The following LPP variants were observed in gnomAD, a reference collection of about 807,000 sequenced individuals.
LPP encodes the protein lipoma-preferred partner.
LPP carries 38 observed loss-of-function variants against 60.4 expected under a neutral mutation model. The observed-to-expected ratio is 0.63, with a 90% CI of 0.49 to 0.83. The LOEUF is 0.83. Ranked by LOEUF, LPP falls within the 40% of genes least tolerant of loss-of-function variation. The pLI is 0.00. For synonymous variants in LPP, 328 were observed against 290.8 expected, an observed-to-expected ratio of 1.13 and a Z score of -1.30; for missense variants, 902 against 783.6, an observed-to-expected ratio of 1.15 and a Z score of -1.80.
At chr3:188,313,512 C>T (rs1263603630) in intron 2 of LPP, among the ~76,000 whole-genome samples, 1 of 151,988 alleles carries the variant, frequency 6.6e-6, no homozygotes, top group African/African-American at 2.4e-5. Flanking sequence ...GTGGCGGGCA[C>T]CTGTAGTCCC....
intron 3 of LPP, among the ~76,000 whole-genome samples, chr3:188,400,980 G>A (rs1041581513): frequency 6.6e-6 from 1 of 152,176 alleles, no homozygotes; most frequent in Non-Finnish European, 1.5e-5. Context: ...ATGAAGGGCT[G>A]TAATGAAGAT....
intron 6 of LPP, chr3:188,584,439 C>A (rs1836946628): frequency 6.6e-6 from 1 of 151,976 alleles, no homozygotes; most frequent in East Asian, 1.9e-4. Flanking sequence ...AAAGAAGGTT[C>A]TCTGATAAGA....
chr3:188,314,387 T>A (rs1343341817), intron 2 of LPP, among the ~76,000 whole-genome samples: 7 of 152,192 alleles, frequency 4.6e-5, no homozygotes, highest in African/African-American at 1.7e-4. Context: ...TCTAAAAAAA[T>A]TTTATGTTTT....
intron 7 of LPP, among the ~76,000 whole-genome samples, chr3:188,662,446 C>T (rs1364921681): frequency 6.6e-6 from 1 of 152,172 alleles, no homozygotes; most frequent in African/African-American, 2.4e-5. Flanking sequence ...TGGTGAGGTT[C>T]TGTGAGGGAC....
At chr3:188,501,780 G>A (rs1295596986) in intron 5 of LPP, among the ~76,000 whole-genome samples, 1 of 151,766 alleles carries the variant, frequency 6.6e-6, no homozygotes, top group Non-Finnish European at 1.5e-5. Context: ...AGCCGGGCGT[G>A]GTGGTGGGCA....
chr3:188,853,691 A>T (rs1181721112), intron 9 of LPP, among the ~76,000 whole-genome samples: 1 of 152,178 alleles, frequency 6.6e-6, no homozygotes, highest in Non-Finnish European at 1.5e-5. Flanking sequence ...ACAGGCATAT[A>T]AACTGATCGT....
chr3:188,871,882 C>A (rs1484998782), intron 10 of LPP, among the ~76,000 whole-genome samples: 1 of 152,060 alleles, frequency 6.6e-6, no homozygotes, highest in Non-Finnish European at 1.5e-5. Context: ...AAAGTATTTA[C>A]CAGCAGCCTC....
intron 6 of LPP, among the ~76,000 whole-genome samples, chr3:188,541,968 A>T (rs1261798174): frequency 2.0e-5 from 3 of 152,172 alleles, no homozygotes; most frequent in Non-Finnish European, 4.4e-5. Context: ...GATGTTTGAT[A>T]TATGTATACA....
intron 6 of LPP, among the ~76,000 whole-genome samples, chr3:188,582,551 C>G (rs949122576): frequency 6.6e-6 from 1 of 151,934 alleles, no homozygotes; most frequent in African/African-American, 2.4e-5. Flanking sequence ...TGTTTCACTT[C>G]CCACATTTGG....
At chr3:188,450,770 A>G (rs1478765599) in intron 4 of LPP, among the ~76,000 whole-genome samples, 2 of 151,620 alleles carry the variant, frequency 1.3e-5, no homozygotes, top group Non-Finnish European at 2.9e-5. Context: ...ATCTATTTAC[A>G]TTGCAGCTCC....
chr3:188,874,049 T>C (rs1768878990), intron 11 of LPP, among the ~76,000 whole-genome samples: 1 of 151,884 alleles, frequency 6.6e-6, no homozygotes. Flanking sequence ...AACTTCTACA[T>C]GGGAGCCAAG....
chr3:188,822,780 T>G (rs1447820092), intron 9 of LPP, among the ~76,000 whole-genome samples: 1 of 152,180 alleles, frequency 6.6e-6, no homozygotes, highest in Non-Finnish European at 1.5e-5. Flanking sequence ...AGCTTTCCCT[T>G]CTGGTGATCT....
At chr3:188,659,190 A>G (rs1251340912) in intron 7 of LPP, among the ~76,000 whole-genome samples, 1 of 152,214 alleles carries the variant, frequency 6.6e-6, no homozygotes, top group African/African-American at 2.4e-5. Context: ...ATGGCTGTTT[A>G]TGTATGATAT....
At chr3:188,227,596 A>T (rs1458056310) in intron 2 of LPP, among the ~76,000 whole-genome samples, 4 of 152,110 alleles carry the variant, frequency 2.6e-5, no homozygotes, top group Non-Finnish European at 5.9e-5. Flanking sequence ...ACACCTGGAA[A>T]CTGGCAAGTG....
chr3:188,679,903 G>A (rs543547392), intron 7 of LPP, among the ~76,000 whole-genome samples: 5 of 152,018 alleles, frequency 3.3e-5, no homozygotes, highest in South Asian at 2.1e-4. Flanking sequence ...GGCTGTCAGC[G>A]GCCATCTCTG....
chr3:188,658,536 G>A (rs1398317935), intron 7 of LPP, among the ~76,000 whole-genome samples: 2 of 152,022 alleles, frequency 1.3e-5, no homozygotes, highest in East Asian at 1.9e-4. Context: ...CCTACTTCAC[G>A]AAAGACACTC....
chr3:188,675,247 C>G (rs7634330), intron 7 of LPP, among the ~76,000 whole-genome samples: 64,291 of 151,948 alleles, frequency 0.42, 14,030 homozygotes, highest in East Asian at 0.77. Flanking sequence ...CCAGTGTGGG[C>G]TAGGGTATAC....
At chr3:188,270,161 G>C (rs1227931268) in intron 2 of LPP, among the ~76,000 whole-genome samples, 1 of 152,082 alleles carries the variant, frequency 6.6e-6, no homozygotes, top group Non-Finnish European at 1.5e-5. Flanking sequence ...TTTTCAGAGT[G>C]ACAAAAGTAT....
intron 2 of LPP, among the ~76,000 whole-genome samples, chr3:188,283,225 C>T (rs7646788): frequency 0.45 from 68,604 of 151,998 alleles, 15,975 homozygotes; most frequent in Middle Eastern, 0.59. Context: ...AGAGTGTCAA[C>T]CCTCCTCATA....
Sources: allele counts gnomAD v4.1 joint callset (sites outside exome capture counted in the v4.1 genomes callset), GRCh38; gene constraint gnomAD v4.1.1; transcripts MANE v1.5; gene names NCBI Gene and HGNC (gene_info 2026-07-23, HGNC 2026-07-21).